Variants in SMC1B observed in about 807,000 individuals in gnomAD.
SMC1B encodes the protein structural maintenance of chromosomes 1B.
A neutral mutation model predicts 157.9 loss-of-function variants in SMC1B; 60 were observed. That is an observed-to-expected ratio of 0.38 (90% CI 0.31 to 0.47). The LOEUF (loss-of-function observed/expected upper bound fraction) is 0.47. SMC1B is among the 20% of genes least tolerant of loss of function. The pLI is 0.99. For synonymous variants in SMC1B, 445 were observed against 483.0 expected (o/e 0.92, Z 1.03); for missense variants, 1,165 against 1,426.2 (o/e 0.82, Z 2.95).
At chr22:45,352,692 G>C in intron 21 of SMC1B, 90 bp from the exon 22 acceptor site, 4 of 1,284,778 alleles carry the variant, frequency 3.1e-6, no homozygotes, top group Non-Finnish European at 1.1e-6. Context: ...CTATTGGTTA[G>C]CTTTTCTTCA....
At chr22:45,408,398 T>A (rs1406570482) in intron 2 of SMC1B, among the ~76,000 whole-genome samples, 1 of 152,224 alleles carries the variant, frequency 6.6e-6, no homozygotes, top group East Asian at 1.9e-4. Context: ...GTGCTGGGAT[T>A]ACAGGCGTGA....
At chr22:45,353,907 A>AC in intron 21 of SMC1B, 71 bp downstream of exon 21, 2 of 661,308 alleles carry the variant, frequency 3.0e-6, no homozygotes, top group South Asian at 2.3e-5. Flanking sequence ...AAAAAAAAAA[A>AC]AAAAAAAAAA....
chr22:45,350,354 T>G (rs1181570504), intron 22 of SMC1B, among the ~76,000 whole-genome samples: 2 of 152,164 alleles, frequency 1.3e-5, no homozygotes, highest in Non-Finnish European at 2.9e-5. Flanking sequence ...CCCGGCTCAC[T>G]GCAACCTCTG....
intron 2 of SMC1B, 149 bp from the exon 3 acceptor site, chr22:45,407,014 C>T (rs1048646996): frequency 3.5e-5 from 20 of 578,906 alleles, no homozygotes; most frequent in African/African-American, 5.7e-5. Flanking sequence ...AATGAGTCAA[C>T]AAATATTGAG....
At chr22:45,370,696 A>T (rs567436592) in intron 14 of SMC1B, among the ~76,000 whole-genome samples, 1 of 152,314 alleles carries the variant, frequency 6.6e-6, no homozygotes, top group East Asian at 1.9e-4. Flanking sequence ...CAAGTCATGG[A>T]AAGTTACAGT....
chr22:45,406,847 C>G lies in SMC1B; in HGVS notation c.317G>C (p.Arg106Pro), dbSNP rs61755307. ...RIIRGGCSEF[R>P]FNDNLVSRSV... is the part of the protein sequence containing the mutation. ...ACGACTCACAAGATTATCATTAAAGCGAAATTCTGAGCATCCCCCTAAAAT... is the reference window on the plus strand; with the variant it reads ...ACGACTCACAAGATTATCATTAAAGGGAAATTCTGAGCATCCCCCTAAAAT... The change falls in exon 3 of 25, where the codon CGC (arginine) becomes CCC (proline). Residue 106 changes from arginine to proline, a missense_variant. Physicochemically the swap from Arg to Pro is moderately radical, Grantham distance 103. Transcript: ENST00000357450. 1 of 1,567,478 alleles carries G rather than the reference C, an allele frequency of 6.4e-7. No homozygotes were observed. Among genetic ancestry groups the G allele is most frequent in the South Asian group, 1.2e-5 (1 of 81,194 alleles).
At chr22:45,352,729 A>G (rs567887028) in intron 21 of SMC1B, 127 bp from the exon 22 acceptor site, 25 of 885,280 alleles carry the variant, frequency 2.8e-5, no homozygotes, top group South Asian at 1.5e-4. Flanking sequence ...ACCAATGCCT[A>G]TAAATAATGT....
At position 45,393,780 on chromosome 22, in the gene SMC1B, T is replaced by A; in HGVS notation, c.1399A>T (p.Lys467Ter). 6.2e-7 allele frequency: 1 copy of A among 1,613,952 alleles called. No homozygotes were observed. ...ETLVDEIEKTKSRMSEVNEEL... is the reference protein window; with the variant it reads ...ETLVDEIEKT The stretch of plus-strand genomic sequence containing the variant: ...TCATTAACTTCAGACATTCTTGATT[T>A]TGTTTTTTCAATTTCATCCACTAGG... Residue 467 changes from lysine (K) to a stop codon, truncating the protein, a stop_gained, in exon 9 of 25, where the codon AAA becomes TAA. Coordinates refer to ENST00000357450, the MANE Select transcript of SMC1B (RefSeq NM_148674.5). LOFTEE classifies it high-confidence loss of function.
chr22:45,379,456 T>A (rs924198209), intron 12 of SMC1B, among the ~76,000 whole-genome samples: 1 of 152,164 alleles, frequency 6.6e-6, no homozygotes, highest in Non-Finnish European at 1.5e-5. Flanking sequence ...TTTTCACTCA[T>A]TTTTATTGGT....
At chr22:45,365,137 G>A (rs776614181) in intron 15 of SMC1B, among the ~76,000 whole-genome samples, 12 of 152,038 alleles carry the variant, frequency 7.9e-5, no homozygotes, top group African/African-American at 2.2e-4. Flanking sequence ...GCACCCGGCC[G>A]GATCTCTTCT....
chr22:45,358,643 A>T, intron 19 of SMC1B, 54 bp downstream of exon 19: 5 of 1,078,824 alleles, frequency 4.6e-6, no homozygotes. Flanking sequence ...ATTCGGTAAG[A>T]TTTAAATATT....
At chr22:45,360,300 A>C (rs1409324899) in intron 17 of SMC1B, among the ~76,000 whole-genome samples, 2 of 152,220 alleles carry the variant, frequency 1.3e-5, no homozygotes, top group African/African-American at 4.8e-5. Flanking sequence ...ATCCCTTGCC[A>C]GTAAGTCACA....
intron 7 of SMC1B, among the ~76,000 whole-genome samples, 179 bp downstream of exon 7, chr22:45,396,167 C>A (rs1030567771): frequency 6.6e-5 from 10 of 152,176 alleles, no homozygotes. Context: ...CTCTTCTACT[C>A]ACAGAACTAT....
intron 19 of SMC1B, among the ~76,000 whole-genome samples, chr22:45,355,587 G>T (rs1479647362): frequency 1.3e-5 from 2 of 152,132 alleles, no homozygotes; most frequent in African/African-American, 4.8e-5. Context: ...CCGAGTAGCT[G>T]GGATTTAAAC....
intron 2 of SMC1B, 63 bp from the exon 3 acceptor site, chr22:45,406,928 C>A: frequency 2.6e-6 from 3 of 1,145,572 alleles, no homozygotes; most frequent in South Asian, 1.8e-5. Flanking sequence ...TCAAAATCCA[C>A]CGAAAGTTTA....
At position 45,369,965 on chromosome 22, in the gene SMC1B, A is replaced by C. The variant is rs775542982; in HGVS notation, c.2409T>G (p.Ile803Met). The change falls in exon 15 of 25, where the codon ATT becomes ATG. Residue 803 changes from isoleucine (I) to methionine (M), a missense_variant. Ile to Met is a conservative substitution (Grantham distance 10). Transcript: ENST00000357450. The part of the protein sequence containing the change: ...ENKHVKRQQE[I>M]DQKRLEFEKQ... ...TTTTATAAAAATACCTTTTTTGATC[A>C]ATTTCTTGTTGCCGTTTAACATGTT... The C allele has an allele frequency of 1.1e-5, 17 of 1,563,770 alleles. No individual in the cohort carries two copies. In the South Asian group the frequency reaches 2.0e-4, roughly 19 times the overall value.
chr22:45,356,256 T>A (rs6006998), intron 19 of SMC1B, among the ~76,000 whole-genome samples: 1 of 152,180 alleles, frequency 6.6e-6, no homozygotes, highest in African/African-American at 2.4e-5. Flanking sequence ...CAGGGCCTGC[T>A]TGGTCTAAGG....
At chr22:45,406,721 T>C in intron 3 of SMC1B, 32 bp downstream of exon 3, 1 of 1,584,460 alleles carries the variant, frequency 6.3e-7, no homozygotes, top group East Asian at 2.2e-5. Context: ...TTTTCAAAAC[T>C]CTGAATCAAA....
chr22:45,367,166 A>C (rs936404982), intron 15 of SMC1B, among the ~76,000 whole-genome samples: 1 of 151,948 alleles, frequency 6.6e-6, no homozygotes, highest in African/African-American at 2.4e-5. Context: ...CCCGTTTGCT[A>C]TTGTTTCTTG....
Sources: gnomAD v4.1 joint callset for allele counts (sites outside exome capture counted in the v4.1 genomes callset) on GRCh38, gnomAD v4.1.1 for gene constraint, MANE v1.5 for transcripts, NCBI Gene and HGNC (gene_info 2026-07-23, HGNC 2026-07-21) for gene names.